The following THBS2 variants were observed in gnomAD, a reference collection of about 807,000 sequenced individuals.
THBS2 encodes the protein thrombospondin 2, also known as thrombospondin-2.
A neutral mutation model predicts 135.2 loss-of-function variants in THBS2; 47 were observed. The ratio of observed to expected loss-of-function variants is 0.35; its 90% confidence interval spans 0.28 to 0.44. The LOEUF is 0.44. THBS2 is among the 20% of genes least tolerant of loss of function. The probability of loss-of-function intolerance (pLI) is 1.00; values close to 1 mark genes in which losing one functional copy is unlikely to be tolerated. For missense variants in THBS2, 1,288 were observed against 1,603.1 expected, an observed-to-expected ratio of 0.80 and a Z score of 3.36; for synonymous variants, 639 against 633.8, an observed-to-expected ratio of 1.01 and a Z score of -0.12.
In THBS2 at chr6:169,222,557, G is replaced by A. The variant is rs564996120; in HGVS notation, c.3002-89C>T. On this transcript the variant is annotated intron_variant, in intron 18 of 21. Transcript: ENST00000617924. ...TGCCTGTAATCCCAGCACTTTGAGA[G>A]GCCGAGGTGGGCAGATCACCTGAGG... 156 of 1,401,142 alleles carry A rather than the reference G, an allele frequency of 1.1e-4. 1 individual carries two copies. In the East Asian group the frequency reaches 3.4e-3, roughly 30 times the overall value. 86.8% of individuals were successfully genotyped at this position (1,401,142 alleles called of 1,614,324 possible).
intron 10 of THBS2, 191 bp downstream of exon 10, chr6:169,234,543 G>T: frequency 1.7e-6 from 1 of 602,750 alleles, no homozygotes; most frequent in Admixed American, 3.8e-5. Context: ...ACGCCACCTG[G>T]CATCTTTTTT....
intron 9 of THBS2, 27 bp from the exon 10 acceptor site, chr6:169,234,934 C>A: frequency 1.3e-6 from 2 of 1,589,598 alleles, no homozygotes; most frequent in Admixed American, 1.7e-5. Context: ...CCAGGGGGAG[C>A]TCAGAGCAAG....
At position 169,246,641 on chromosome 6, in the gene THBS2, G is replaced by A. The variant is rs531855214; in HGVS notation, c.610-360C>T. The stretch of plus-strand genomic sequence containing the variant: ...GTTCCTTGCAAGTCACTCATGATTA[G>A]CGAGTTTCTGCATTTGGCAAAGAGG... On this transcript the variant is annotated intron_variant, in intron 3 of 21. Coordinates refer to ENST00000617924, the MANE Select transcript of THBS2 (RefSeq NM_003247.5). 2.6e-5 allele frequency among the ~76,000 whole-genome samples: 4 copies of A among 152,306 alleles called. No homozygotes were observed. In the South Asian group the frequency reaches 8.3e-4, roughly 32 times the overall value.
At chr6:169,246,910 TTG>T (rs1435427003) in intron 3 of THBS2, among the ~76,000 whole-genome samples, 2 of 152,218 alleles carry the variant, frequency 1.3e-5, no homozygotes, top group Non-Finnish European at 2.9e-5. Context: ...CCATACACCA[TTG>T]TGATTCTAAA....
rs145513302 is a variant in THBS2, at chr6:169,237,333, G to T, written c.1314C>A (p.Gly438=). The change falls in exon 9 of 22, where the codon GGC becomes GGA. Residue 438 remains glycine, a synonymous_variant. Coordinates refer to ENST00000617924, the MANE Select transcript of THBS2 (RefSeq NM_003247.5). ...ACCAAGGTGACCAGTGGCTCCAGCC[G>T]CCGTCCTGCCGGACTAACACAAGAA... The part of the protein sequence containing the change: ...SKCDTRIRQD[G]GWSHWSPWSS... 6.2e-7 allele frequency: 1 copy of T among 1,613,178 alleles called. No individual in the cohort carries two copies. The highest frequency in any genetic ancestry group is 8.5e-7 in the Non-Finnish European group (1 of 1,180,020).
chr6:169,236,325 TCC>T (rs201536667), intron 9 of THBS2, among the ~76,000 whole-genome samples: 1,712 of 39,518 alleles, frequency 0.043, no homozygotes, highest in East Asian at 0.11. Context: ...CCACACTCAC[TCC>T]CCCATCCACA....
intron 13 of THBS2, 110 bp downstream of exon 13, chr6:169,231,870 C>CCTTG (rs1779846542): frequency 4.9e-6 from 6 of 1,222,754 alleles, no homozygotes; most frequent in Non-Finnish European, 6.8e-6. Flanking sequence ...GAGAGACCCT[C>CCTTG]CTTCCAAATT....
intron 21 of THBS2, 83 bp downstream of exon 21, chr6:169,220,115 T>A: frequency 6.6e-7 from 1 of 1,520,720 alleles, no homozygotes; most frequent in Non-Finnish European, 8.9e-7. Context: ...ACAGCTTTTG[T>A]AAGTGGAAGA....
intron 1 of THBS2, among the ~76,000 whole-genome samples, chr6:169,253,277 T>A (rs1780812913): frequency 6.6e-6 from 1 of 152,230 alleles, no homozygotes; most frequent in African/African-American, 2.4e-5. Flanking sequence ...ATAATGATGT[T>A]AACAATCAGA....
At position 169,225,192 on chromosome 6, in the gene THBS2, C is replaced by A; in HGVS notation, c.2726G>T (p.Arg909Met). 6.2e-7 allele frequency: 1 copy of A among 1,614,236 alleles called. No homozygotes were observed. Among genetic ancestry groups the A allele is most frequent in the East Asian group, 2.2e-5 (1 of 44,886 alleles). Residue 909 changes from arginine to methionine, a missense_variant, in exon 17 of 22, where the codon AGG becomes ATG. Transcript: ENST00000617924. Reference protein sequence around the residue: ...DDDNDGVPDDRDNCRLVFNPD... With the variant: ...DDDNDGVPDDMDNCRLVFNPD... ...GTTGAACACAAGCCGGCAGTTGTCCCTGTCATCGGGGACGCCATCGTTGTC... is the reference window on the plus strand; with the variant it reads ...GTTGAACACAAGCCGGCAGTTGTCCATGTCATCGGGGACGCCATCGTTGTC...
chr6:169,226,585 G>A (rs1009811869), intron 15 of THBS2, among the ~76,000 whole-genome samples: 7 of 152,160 alleles, frequency 4.6e-5, no homozygotes, highest in Non-Finnish European at 7.3e-5. Flanking sequence ...TGCTGTCGCC[G>A]TGTAAATCTG....
chr6:169,243,101 CACCTTCCCACCACTCCT>C, intron 4 of THBS2, among the ~76,000 whole-genome samples: 1 of 146,216 alleles, frequency 6.8e-6, no homozygotes, highest in Non-Finnish European at 1.5e-5. Flanking sequence ...CCCACCTTCC[CACCTTCCCACCACTCCT>C]ACCTTCCCAC....
rs917912773 is a variant in THBS2 at position 169,216,853 on chromosome 6, T to C, written c.*969A>G. ...AACAAAATATTTATAACTGGAACCT[T>C]AATGAAATGTATCATCAAATCAGGT... On this transcript the variant is annotated 3_prime_UTR_variant, in exon 22 of 22. Coordinates refer to ENST00000617924, the MANE Select transcript of THBS2 (RefSeq NM_003247.5). 1.3e-5 allele frequency: 2 copies of C among 152,222 alleles called. No homozygotes were observed. Among genetic ancestry groups the C allele is most frequent in the Non-Finnish European group, 2.9e-5 (2 of 68,032 alleles). The allele number at this position is 152,222 out of a possible 1,614,324, so 9.4% of individuals were successfully genotyped here. A position where few individuals can be genotyped will look rare whatever the true frequency, so the allele number is the denominator to read the frequency against.
At chr6:169,242,616 CG>C (rs1416431548) in intron 4 of THBS2, among the ~76,000 whole-genome samples, 18 of 62,090 alleles carry the variant, frequency 2.9e-4, no homozygotes, top group African/African-American at 7.6e-4. Flanking sequence ...ACCTTCCCAC[CG>C]CTCCCACCTT....
chr6:169,223,989 G>A (rs1779528820), intron 17 of THBS2, among the ~76,000 whole-genome samples: 1 of 152,190 alleles, frequency 6.6e-6, no homozygotes, highest in African/African-American at 2.4e-5. Flanking sequence ...CGGGGTTGTG[G>A]CATGGTGGGG....
In THBS2 at chr6:169,248,753, C is replaced by T. The variant is rs910449076; in HGVS notation, c.273G>A (p.Lys91=). Residue 91 remains lysine, a synonymous_variant, in exon 3 of 22, where the codon AAG becomes AAA. Transcript: ENST00000617924. ...GCGTGCCCCTGGACTTGCCGTCCTG[C>T]TTGAGCTGGGCCGTGAGGAAGAAGC... ...KEGFFLTAQL[K]QDGKSRGTLL... 6.2e-7 allele frequency: 1 copy of T among 1,613,182 alleles called. No homozygotes were observed. The highest frequency in any genetic ancestry group is 1.3e-5 in the African/African-American group (1 of 74,890).
At chr6:169,225,053 T>C (rs1562354951) in intron 17 of THBS2, 92 bp downstream of exon 17, 1 of 1,269,474 alleles carries the variant, frequency 7.9e-7, no homozygotes, top group East Asian at 2.3e-5. Context: ...CAGCAGCAGA[T>C]TTAAGATGAT....
chr6:169,219,176 ATGGT>A lies in THBS2; in HGVS notation c.3511+1018_3511+1021del, dbSNP rs576374609. 2.2e-3 allele frequency among the ~76,000 whole-genome samples: 295 copies of A among 134,834 alleles called. 4 individuals carry two copies. The highest frequency in any genetic ancestry group is 7.5e-3 in the African/African-American group (267 of 35,590). 88.5% of individuals were successfully genotyped at this position (134,834 alleles called of 152,430 possible). ...AGATGAGTGAGTGGGGGTGAATGAA[ATGGT>A]TGGGTGGATGTGTGGGTGGATGGAT... On this transcript the variant is annotated intron_variant, in intron 21 of 21. Transcript: ENST00000617924.
At position 169,240,507 on chromosome 6, in the gene THBS2, A is replaced by G; in HGVS notation, c.977T>C (p.Phe326Ser). The G allele has an allele frequency of 5.0e-6, 8 of 1,613,988 alleles. No homozygotes were observed. The highest frequency in any genetic ancestry group is 1.7e-4 in the Middle Eastern group (1 of 6,058). The part of the protein sequence containing the change: ...NMSACWQDGR[F>S]FAENETWVVD... ...CACCCACGTTTCATTTTCCGCAAAG[A>G]ACCGGCCATCCTGCCAGCAAGCTGA... Residue 326 changes from phenylalanine (F) to serine (S), a missense_variant, in exon 6 of 22, where the codon TTC becomes TCC. Physicochemically the swap from Phe to Ser is radical, Grantham distance 155. Around this residue, in one of 2 missense-constraint regions of THBS2, gnomAD observed 414 missense variants for 447.0 expected, o/e 0.93. Coordinates refer to ENST00000617924, the MANE Select transcript of THBS2 (RefSeq NM_003247.5).
Sources: allele counts gnomAD v4.1 joint callset (sites outside exome capture counted in the v4.1 genomes callset), GRCh38; gene constraint gnomAD v4.1.1; regional missense constraint gnomAD v4.1.1; transcripts MANE v1.5; gene names NCBI Gene and HGNC (gene_info 2026-07-23, HGNC 2026-07-21).